Variants in ZNF892 observed in about 807,000 individuals in gnomAD.
ZNF892 encodes zinc finger protein 570-like.
chr2:95,218,773 G>A, the ZNF892 span, among the ~76,000 whole-genome samples: 1 of 152,202 alleles, frequency 6.6e-6, no homozygotes, highest in Non-Finnish European at 1.5e-5. Context: ...TTCCTGGCTT[G>A]TAGATGGTTG....
At chr2:95,229,569 C>T in the ZNF892 span, among the ~76,000 whole-genome samples, 1 of 152,108 alleles carries the variant, frequency 6.6e-6, no homozygotes, top group Non-Finnish European at 1.5e-5. Flanking sequence ...AGTATATACT[C>T]CTTTGTATCT....
the ZNF892 span, among the ~76,000 whole-genome samples, chr2:95,238,570 CTAT>C: frequency 6.6e-6 from 1 of 152,202 alleles, no homozygotes; most frequent in East Asian, 1.9e-4. Context: ...TCAAGCCTTA[CTAT>C]TATTTAAGAA....
chr2:95,233,466 G>A, the ZNF892 span, among the ~76,000 whole-genome samples: 1 of 151,330 alleles, frequency 6.6e-6, no homozygotes, highest in East Asian at 2.0e-4. Context: ...GAAGTCAGGA[G>A]ATGGAGACCA....
the ZNF892 span, among the ~76,000 whole-genome samples, chr2:95,239,452 TGAAA>T: frequency 6.6e-6 from 1 of 152,310 alleles, no homozygotes; most frequent in East Asian, 1.9e-4. Context: ...AGATATTTTG[TGAAA>T]GAAAGAGCCA....
chr2:95,218,188 G>T, the ZNF892 span, among the ~76,000 whole-genome samples: 427 of 152,198 alleles, frequency 2.8e-3, no homozygotes, highest in Non-Finnish European at 5.1e-3. Context: ...TGTTTTCTTC[G>T]TAGCAAATTT....
At chr2:95,234,718 C>T in the ZNF892 span, among the ~76,000 whole-genome samples, 4 of 152,204 alleles carry the variant, frequency 2.6e-5, no homozygotes, top group Admixed American at 6.5e-5. Context: ...TCCACGGGGG[C>T]CCTTCCAGAC....
chr2:95,230,183 A>G, the ZNF892 span, among the ~76,000 whole-genome samples: 16 of 152,306 alleles, frequency 1.1e-4, 1 homozygote, highest in South Asian at 3.1e-3. Context: ...ATGCAAAGAC[A>G]TAAGAATGAT....
At chr2:95,230,723 G>A in the ZNF892 span, among the ~76,000 whole-genome samples, 934 of 152,296 alleles carry the variant, frequency 6.1e-3, 5 homozygotes, top group Non-Finnish European at 8.5e-3. Flanking sequence ...ACCAAATCTG[G>A]AATCAGCCAA....
At chr2:95,210,027 G>A in the ZNF892 span, among the ~76,000 whole-genome samples, 1 of 151,786 alleles carries the variant, frequency 6.6e-6, no homozygotes, top group Non-Finnish European at 1.5e-5. Flanking sequence ...ACTGAAATAT[G>A]CATTAGAAAG....
chr2:95,231,253 G>T, the ZNF892 span, among the ~76,000 whole-genome samples: 1 of 152,104 alleles, frequency 6.6e-6, no homozygotes, highest in Non-Finnish European at 1.5e-5. Context: ...AAACAAATGA[G>T]CTCATTTCAA....
the ZNF892 span, among the ~76,000 whole-genome samples, chr2:95,210,111 G>C: frequency 6.7e-6 from 1 of 149,696 alleles, no homozygotes; most frequent in Non-Finnish European, 1.5e-5. Flanking sequence ...GTATATGTGT[G>C]TATATATGTG....
At chr2:95,239,125 GCAAAACTCCGTCT>G in the ZNF892 span, among the ~76,000 whole-genome samples, 12 of 131,896 alleles carry the variant, frequency 9.1e-5, no homozygotes, top group African/African-American at 2.9e-4. Context: ...GGTGACAAGA[GCAAAACTCCGTCT>G]CAAAGGAAAA....
At chr2:95,247,974 A>G in the ZNF892 span, among the ~76,000 whole-genome samples, 1 of 152,236 alleles carries the variant, frequency 6.6e-6, no homozygotes, top group African/African-American at 2.4e-5. Flanking sequence ...CAATTCAGCA[A>G]TCCCATTACT....
chr2:95,245,117 G>A, the ZNF892 span, among the ~76,000 whole-genome samples: 8 of 152,114 alleles, frequency 5.3e-5, no homozygotes, highest in South Asian at 1.0e-3. Context: ...TCCTAACATC[G>A]TAGCTAAAAG....
the ZNF892 span, among the ~76,000 whole-genome samples, chr2:95,243,697 C>T: frequency 1.3e-5 from 2 of 151,928 alleles, no homozygotes; most frequent in Non-Finnish European, 2.9e-5. Context: ...CGCCCGGCAG[C>T]CACCCTGTCC....
chr2:95,254,022 G>A, the ZNF892 span, among the ~76,000 whole-genome samples: 1 of 152,116 alleles, frequency 6.6e-6, no homozygotes, highest in African/African-American at 2.4e-5. Context: ...CATGTCATCT[G>A]CAAACAGGGA....
chr2:95,243,111 T>G, the ZNF892 span, among the ~76,000 whole-genome samples: 1 of 152,224 alleles, frequency 6.6e-6, no homozygotes, highest in African/African-American at 2.4e-5. Context: ...CTCGGCCTCC[T>G]GAGGTGCCAG....
chr2:95,207,199 C>T, the ZNF892 span, among the ~76,000 whole-genome samples: 1 of 152,258 alleles, frequency 6.6e-6, no homozygotes, highest in Non-Finnish European at 1.5e-5. Context: ...CGCCTCCCCT[C>T]CGATGGAGCA....
At chr2:95,245,450 C>CA in the ZNF892 span, among the ~76,000 whole-genome samples, 7 of 11,676 alleles carry the variant, frequency 6.0e-4, no homozygotes, top group African/African-American at 1.5e-3. Flanking sequence ...GTAGAGACGG[C>CA]GGGGGGGGGG....
Sources: gnomAD v4.1 joint callset for allele counts (sites outside exome capture counted in the v4.1 genomes callset) on GRCh38, gnomAD v4.1.1 for gene constraint, MANE v1.5 for transcripts, NCBI Gene and HGNC (gene_info 2026-07-23, HGNC 2026-07-21) for gene names.